HMOX2: variants seen among roughly 807,000 people sequenced by gnomAD.
The protein encoded by HMOX2 is heme oxygenase (decycling) 2.
HMOX2 carries 30 observed loss-of-function variants against 33.7 expected under a neutral mutation model. That is an observed-to-expected ratio of 0.89 (90% CI 0.67 to 1.21). The LOEUF is 1.21. Ranked by LOEUF, HMOX2 falls within the 50% of genes most tolerant of loss-of-function variation. The pLI is 0.00. For synonymous variants in HMOX2, 155 were observed against 155.0 expected, an observed-to-expected ratio of 1.00 and a Z score of 0.00; for missense variants, 403 against 399.1, an observed-to-expected ratio of 1.01 and a Z score of -0.08.
At chr16:4,507,644 G>A in intron 3 of HMOX2, 69 bp from the exon 4 acceptor site, 1 of 1,541,608 alleles carries the variant, frequency 6.5e-7, no homozygotes, top group South Asian at 1.2e-5. Context: ...TGTCACTTGA[G>A]CCTCTGCATC....
At chr16:4,488,815 CT>C (rs1376513711) in intron 1 of HMOX2, 1 of 142,928 alleles carries the variant, frequency 7.0e-6, no homozygotes, top group Non-Finnish European at 1.5e-5. Context: ...AAAAATGTGC[CT>C]GTACATTTCT....
At chr16:4,477,321 A>T (rs1444244823) in intron 1 of HMOX2, among the ~76,000 whole-genome samples, 1 of 151,462 alleles carries the variant, frequency 6.6e-6, no homozygotes, top group Non-Finnish European at 1.5e-5. Context: ...CAACATAGTG[A>T]AACCCCGTCT....
chr16:4,498,995 A>G (rs1016927904), intron 1 of HMOX2, among the ~76,000 whole-genome samples: 2 of 152,204 alleles, frequency 1.3e-5, no homozygotes, highest in African/African-American at 4.8e-5. Flanking sequence ...TGGGTATTCT[A>G]GCCTCCAGTG....
rs533686422 is a variant in HMOX2, at chr16:4,508,025, C to T, written c.517C>T (p.Arg173Ter). ...GGQVLKKVAQ[R>*]ALKLPSTGEG... ...CCAGGTGCTGAAGAAGGTGGCCCAG[C>T]GAGCACTGAAACTCCCCAGCACAGG... The change falls in exon 4 of 6, where the codon CGA becomes TGA. Residue 173 changes from arginine to a stop codon, truncating the protein, a stop_gained. Transcript: ENST00000570646. LOFTEE classifies it high-confidence loss of function. The T allele has an allele frequency of 8.7e-6, 14 of 1,613,918 alleles. No homozygotes were observed. Among genetic ancestry groups the T allele is most frequent in the East Asian group, 2.2e-5 (1 of 44,860 alleles).
Position 4,505,659 on chromosome 16 carries a change from T to A in HMOX2, c.86+49T>A, listed in dbSNP as rs1163297226. ...CTGAATCAGGTGGGCCCAGCACCTGTCGTGCTCAGCACACCTGGTTTTGTC... is the reference window on the plus strand; with the variant it reads ...CTGAATCAGGTGGGCCCAGCACCTGACGTGCTCAGCACACCTGGTTTTGTC... On this transcript the variant is annotated intron_variant, in intron 2 of 5. Transcript: ENST00000570646. 3.0e-6 allele frequency: 4 copies of A among 1,312,710 alleles called. No homozygotes were observed. The Admixed American group carries it at 8.0e-5, about 26-fold the overall frequency. The allele number at this position is 1,312,710 out of a possible 1,614,324, so 81.3% of individuals were successfully genotyped here. A position where few individuals can be genotyped will look rare whatever the true frequency, so the allele number is the denominator to read the frequency against.
chr16:4,478,599 T>A (rs17883218), intron 1 of HMOX2, among the ~76,000 whole-genome samples: 4,948 of 148,214 alleles, frequency 0.033, 281 homozygotes, highest in African/African-American at 0.11. Context: ...AAGAAAAAAA[T>A]AATAATAATA....
At chr16:4,481,251 A>G (rs931837019) in intron 1 of HMOX2, among the ~76,000 whole-genome samples, 1 of 150,504 alleles carries the variant, frequency 6.6e-6, no homozygotes, top group Non-Finnish European at 1.5e-5. Flanking sequence ...CGGGAGGCTG[A>G]GGCAGGAGAA....
At chr16:4,489,420 G>C (rs914455270) in intron 1 of HMOX2, among the ~76,000 whole-genome samples, 3 of 151,994 alleles carry the variant, frequency 2.0e-5, no homozygotes, top group Admixed American at 2.0e-4. Context: ...GAGTAGCTGG[G>C]ACCACAAGCA....
chr16:4,479,174 A>C (rs1448907672), intron 1 of HMOX2, among the ~76,000 whole-genome samples: 1 of 152,152 alleles, frequency 6.6e-6, no homozygotes, highest in Non-Finnish European at 1.5e-5. Context: ...ATTCTATCAG[A>C]GTGAACAATA....
At chr16:4,494,298 A>G (rs2058368991) in intron 1 of HMOX2, among the ~76,000 whole-genome samples, 1 of 151,326 alleles carries the variant, frequency 6.6e-6, no homozygotes, top group East Asian at 1.9e-4. Context: ...TCTGGGCGAC[A>G]GAGTGAGACT....
upstream of HMOX2, chr16:4,476,003 G>T (rs764640898): frequency 6.6e-6 from 1 of 152,250 alleles, no homozygotes; most frequent in Non-Finnish European, 1.5e-5. Context: ...GCAACAGGGA[G>T]ATCAGATACA....
intron 1 of HMOX2, chr16:4,488,888 G>GT (rs1279302113): frequency 1.3e-5 from 2 of 149,742 alleles, no homozygotes; most frequent in Non-Finnish European, 2.9e-5. Flanking sequence ...GCAGTGGTGT[G>GT]TTTTTGGCTC....
In HMOX2 at chr16:4,483,224, T is replaced by TGTGTGTG. The variant is rs1382790818; in HGVS notation, c.-42+6737_-42+6738insGTGTGTG. Among the ~76,000 whole-genome samples, 7 of 118,434 alleles carry TGTGTGTG rather than the reference T, an allele frequency of 5.9e-5. No homozygotes were observed. The South Asian group carries it at 1.1e-3, about 19-fold the overall frequency. 77.7% of individuals were successfully genotyped at this position (118,434 alleles called of 152,430 possible). On this transcript the variant is annotated intron_variant, in intron 1 of 5. Transcript: ENST00000570646. ...GTGTGTGTGTGTGTGTGTGTGTGTGTTTATGGAGGCTTCATTACAAAGGCA... is the reference window on the plus strand; with the variant it reads ...GTGTGTGTGTGTGTGTGTGTGTGTGTGTGTGTGTTATGGAGGCTTCATTACAAAGGCA...
chr16:4,505,548 A>AG lies in HMOX2; in HGVS notation c.25dup (p.Glu9GlyfsTer24). 6.2e-7 allele frequency: 1 copy of AG among 1,607,116 alleles called. No homozygotes were observed. The highest frequency in any genetic ancestry group is 8.5e-7 in the Non-Finnish European group (1 of 1,176,246). On this transcript the variant is annotated frameshift_variant, in exon 2 of 6. Coordinates refer to ENST00000570646, the MANE Select transcript of HMOX2 (RefSeq NM_002134.4). LOFTEE classifies it high-confidence loss of function. Reference sequence around the variant, plus strand: ...CAATGTCAGCGGAAGTGGAAACCTCAGAGGGGGTAGACGAGTCAGAAAAAA... The same window carrying AG: ...CAATGTCAGCGGAAGTGGAAACCTCAGGAGGGGGTAGACGAGTCAGAAAAAA...
intron 1 of HMOX2, among the ~76,000 whole-genome samples, chr16:4,484,347 T>C (rs924535671): frequency 4.6e-5 from 7 of 152,018 alleles, no homozygotes; most frequent in African/African-American, 1.2e-4. Flanking sequence ...CAAGAAACAG[T>C]AGTATGAGGC....
chr16:4,485,800 C>G (rs918160633), intron 1 of HMOX2, among the ~76,000 whole-genome samples: 4 of 152,210 alleles, frequency 2.6e-5, no homozygotes, highest in African/African-American at 4.8e-5. Flanking sequence ...TCTCGGCTCA[C>G]TGCAACCTCT....
At position 4,507,903 on chromosome 16, in the gene HMOX2, A is replaced by G. The variant is rs368366579; in HGVS notation, c.395A>G (p.Gln132Arg). The G allele has an allele frequency of 6.2e-7, 1 of 1,614,136 alleles. No homozygotes were observed. Among genetic ancestry groups the G allele is most frequent in the Non-Finnish European group, 8.5e-7 (1 of 1,180,016 alleles). Residue 132 changes from glutamine to arginine, a missense_variant, in exon 4 of 6, where the codon CAG becomes CGG. By Grantham distance (43) the Gln-to-Arg change is conservative. Coordinates refer to ENST00000570646, the MANE Select transcript of HMOX2 (RefSeq NM_002134.4). ...CAGGTGCAGTGCCCCAAGGCTGCCC[A>G]GAAGTACGTGGAGCGGATCCACTAC... ...EEQVQCPKAA[Q>R]KYVERIHYIG...
intron 1 of HMOX2, among the ~76,000 whole-genome samples, chr16:4,484,560 A>G (rs2058119211): frequency 6.7e-6 from 1 of 150,206 alleles, no homozygotes; most frequent in African/African-American, 2.5e-5. Flanking sequence ...TCCCGGGTTC[A>G]AATGATTCTC....
chr16:4,481,809 T>C lies in HMOX2; in HGVS notation c.-42+5322T>C, dbSNP rs2058039152. On this transcript the variant is annotated intron_variant, in intron 1 of 5. Transcript: ENST00000570646. The stretch of plus-strand genomic sequence containing the variant: ...TCTTCAGTAGTTACTTGATCTGCTG[T>C]TGTGTCTGGCAAGACTGCTATGTGC... 2.0e-5 allele frequency: 3 copies of C among 152,174 alleles called. No individual in the cohort carries two copies. In the South Asian group the frequency reaches 6.2e-4, roughly 32 times the overall value. 9.4% of individuals were successfully genotyped at this position (152,174 alleles called of 1,614,324 possible).
Sources: allele counts gnomAD v4.1 joint callset (sites outside exome capture counted in the v4.1 genomes callset), GRCh38; gene constraint gnomAD v4.1.1; transcripts MANE v1.5; gene names NCBI Gene and HGNC (gene_info 2026-07-23, HGNC 2026-07-21).